The following ATP2C1 variants were observed in gnomAD, a reference collection of about 807,000 sequenced individuals.
ATP2C1 encodes calcium-transporting ATPase type 2C member 1.
In ATP2C1, 31 loss-of-function variants were observed where a neutral mutation model predicts 120.5. The observed-to-expected ratio is 0.26, with a 90% CI of 0.19 to 0.35. The LOEUF is 0.35. Among genes scored for constraint, ATP2C1 ranks in the 10% least tolerant of loss-of-function variants. The pLI is 1.00. For missense variants in ATP2C1, 731 were observed against 1,107.5 expected, an observed-to-expected ratio of 0.66 and a Z score of 4.83; for synonymous variants, 351 against 358.7, an observed-to-expected ratio of 0.98 and a Z score of 0.24.
intron 2 of ATP2C1, among the ~76,000 whole-genome samples, chr3:130,900,729 T>A (rs2057781556): frequency 6.6e-6 from 1 of 152,244 alleles, no homozygotes; most frequent in Admixed American, 6.5e-5. Context: ...ACATAAACGT[T>A]CTGTTATTCT....
At chr3:130,965,618 T>C (rs1027015718) in intron 14 of ATP2C1, among the ~76,000 whole-genome samples, 1 of 152,116 alleles carries the variant, frequency 6.6e-6, no homozygotes, top group Non-Finnish European at 1.5e-5. Flanking sequence ...GCACCAAGTA[T>C]ACTGGCTTTA....
rs1027830428 is a variant in ATP2C1, at chr3:130,939,556, A to G, written c.361-1074A>G. ...AGAGGCTAAGAAACCAGAAGACATA[A>G]GTAAAGATTGGGCAGCATCTATGTC... On this transcript the variant is annotated intron_variant, in intron 6 of 27. Coordinates refer to ENST00000510168, the MANE Select transcript of ATP2C1 (RefSeq NM_001378687.1). Among the ~76,000 whole-genome samples, 9 of 152,224 alleles carry G rather than the reference A, an allele frequency of 5.9e-5. No individual in the cohort carries two copies. In the South Asian group the frequency reaches 6.2e-4, roughly 11 times the overall value.
At chr3:130,913,389 C>T (rs1439692984) in intron 2 of ATP2C1, among the ~76,000 whole-genome samples, 2 of 152,050 alleles carry the variant, frequency 1.3e-5, no homozygotes, top group African/African-American at 2.4e-5. Context: ...AAAATATTAA[C>T]AGAATAGAGC....
chr3:130,919,438 C>T (rs1263798600), intron 2 of ATP2C1, among the ~76,000 whole-genome samples: 1 of 151,986 alleles, frequency 6.6e-6, no homozygotes, highest in African/African-American at 2.4e-5. Flanking sequence ...AGGCTGTTGT[C>T]GAACTCCTTA....
chr3:130,953,814 C>T lies in ATP2C1; in HGVS notation c.532-7C>T, dbSNP rs770230019. 5 of 1,613,772 alleles carry T rather than the reference C, an allele frequency of 3.1e-6. No homozygotes were observed. The highest frequency in any genetic ancestry group is 4.2e-6 in the Non-Finnish European group (5 of 1,179,886). The stretch of plus-strand genomic sequence containing the variant: ...ATTTGAATCTGGGATTCTTTATGTT[C>T]CCTAAGGCTGTGGATCTTTCCATTG... On this transcript the variant is annotated splice_polypyrimidine_tract_variant and splice_region_variant and intron_variant, in intron 8 of 27. Coordinates refer to ENST00000510168, the MANE Select transcript of ATP2C1 (RefSeq NM_001378687.1).
chr3:130,963,835 CT>C, intron 12 of ATP2C1, 135 bp from the exon 13 acceptor site: 1 of 1,082,556 alleles, frequency 9.2e-7, no homozygotes, highest in Non-Finnish European at 1.4e-6. Flanking sequence ...CTTTCTCTTC[CT>C]TTTGAGAAGT....
At chr3:131,016,462 T>C in exon 27 of ATP2C1, 5 of 1,118,544 alleles carry the variant, frequency 4.5e-6, no homozygotes, top group Non-Finnish European at 6.4e-6. Flanking sequence ...AAGATGTTTT[T>C]CTCTTCTGGC....
chr3:130,973,854 C>A (rs2061432941), intron 17 of ATP2C1, among the ~76,000 whole-genome samples: 1 of 151,930 alleles, frequency 6.6e-6, no homozygotes, highest in African/African-American at 2.4e-5. Flanking sequence ...GCTAAACTTA[C>A]AAATGTGAGG....
Position 131,002,630 on chromosome 3 carries a change from G to T in ATP2C1, c.*1280G>T, listed in dbSNP as rs2062945655. 4.1e-6 allele frequency: 4 copies of T among 985,176 alleles called. No homozygotes were observed. In the South Asian group the frequency reaches 1.9e-4, roughly 46 times the overall value. The allele number at this position is 985,176 out of a possible 1,614,324, so 61.0% of individuals were successfully genotyped here. A position where few individuals can be genotyped will look rare whatever the true frequency, so the allele number is the denominator to read the frequency against. On this transcript the variant is annotated 3_prime_UTR_variant, in exon 28 of 28. Transcript: ENST00000510168. Reference sequence around the variant, plus strand: ...GCCAGAAATTTAAAATTAGAAATTTGTTTTTCTGTTGAGTATATAAACAAA... The same window carrying T: ...GCCAGAAATTTAAAATTAGAAATTTTTTTTTCTGTTGAGTATATAAACAAA...
At chr3:130,875,878 C>T (rs1277192239) in intron 1 of ATP2C1, among the ~76,000 whole-genome samples, 17 of 147,622 alleles carry the variant, frequency 1.2e-4, no homozygotes, top group Admixed American at 8.8e-4. Context: ...TTAGTGATGT[C>T]GAGTGTTTTT....
chr3:130,894,731 A>G lies in ATP2C1; in HGVS notation c.-39A>G, dbSNP rs2069437154. ...AGTGTGGCCGTGGCTGACACTAAAG[A>G]CTTTGTAGCCATCAACCCGAGTGCA... On this transcript the variant is annotated 5_prime_UTR_variant, in exon 2 of 28. Transcript: ENST00000510168. This position sits in a 1 kb window ranked among gnomAD's most constrained non-coding sequence, Gnocchi z 4.5. The G allele has an allele frequency of 6.2e-7, 1 of 1,614,022 alleles. No individual in the cohort carries two copies. The highest frequency in any genetic ancestry group is 8.5e-7 in the Non-Finnish European group (1 of 1,179,992).
intron 1 of ATP2C1, among the ~76,000 whole-genome samples, chr3:130,884,272 C>A (rs1004775229): frequency 6.6e-6 from 1 of 152,198 alleles, no homozygotes; most frequent in Admixed American, 6.5e-5. Flanking sequence ...ACCCACTGGT[C>A]ATTCAGGAGC....
At chr3:131,010,780 T>C (rs2063290613) in intron 26 of ATP2C1, among the ~76,000 whole-genome samples, 1 of 152,214 alleles carries the variant, frequency 6.6e-6, no homozygotes, top group African/African-American at 2.4e-5. Flanking sequence ...AGTGTTGATC[T>C]CCTTTGCCTC....
chr3:130,947,674 T>G (rs997536093), intron 8 of ATP2C1, among the ~76,000 whole-genome samples: 1 of 152,252 alleles, frequency 6.6e-6, no homozygotes, highest in Non-Finnish European at 1.5e-5. Flanking sequence ...CATTTACACT[T>G]ACAGTGATTA....
chr3:130,949,411 CG>C (rs2060277109), intron 8 of ATP2C1, among the ~76,000 whole-genome samples: 1 of 152,012 alleles, frequency 6.6e-6, no homozygotes, highest in Non-Finnish European at 1.5e-5. Context: ...CTGTGAAGGC[CG>C]AGAGAAGTGA....
rs1195452242 is a variant in ATP2C1 at position 131,002,267 on chromosome 3, T to C, written c.*917T>C. ...CAAATACCTCAGCTAAGTAATTCTA[T>C]TTTATTATTTTTACTGTTATGTATG... On this transcript the variant is annotated 3_prime_UTR_variant, in exon 28 of 28. Coordinates refer to ENST00000510168, the MANE Select transcript of ATP2C1 (RefSeq NM_001378687.1). The C allele has an allele frequency of 3.1e-6, 3 of 969,610 alleles. No homozygotes were observed. In the African/African-American group the frequency reaches 5.3e-5, roughly 17 times the overall value. 60.1% of individuals were successfully genotyped at this position (969,610 alleles called of 1,614,324 possible). A position where few individuals can be genotyped will look rare whatever the true frequency, so the allele number is the denominator to read the frequency against.
intron 8 of ATP2C1, among the ~76,000 whole-genome samples, chr3:130,946,342 T>C (rs575851910): frequency 1.3e-5 from 2 of 152,360 alleles, no homozygotes; most frequent in African/African-American, 4.8e-5. Flanking sequence ...TGTTATAGTA[T>C]AGCAGTTTGG....
chr3:130,875,077 G>C (rs540781589), intron 1 of ATP2C1, among the ~76,000 whole-genome samples: 8 of 152,218 alleles, frequency 5.3e-5, no homozygotes, highest in African/African-American at 1.9e-4. Flanking sequence ...CATCAAGTAA[G>C]GGCAATTAGC....
chr3:130,913,905 T>G (rs2108158260), intron 2 of ATP2C1, among the ~76,000 whole-genome samples: 2 of 152,330 alleles, frequency 1.3e-5, no homozygotes, highest in South Asian at 4.1e-4. Flanking sequence ...GGCACATTAC[T>G]TCTTTAATCT....
Sources: allele counts gnomAD v4.1 joint callset (sites outside exome capture counted in the v4.1 genomes callset), GRCh38; gene constraint gnomAD v4.1.1; non-coding constraint Gnocchi (gnomAD v3.1); transcripts MANE v1.5; gene names NCBI Gene and HGNC (gene_info 2026-07-23, HGNC 2026-07-21).